The following HCN2 variants were observed in gnomAD, a reference collection of about 807,000 sequenced individuals.
HCN2 encodes hyperpolarization activated cyclic nucleotide gated potassium and sodium channel 2, also known as potassium/sodium hyperpolarization-activated cyclic nucleotide-gated channel 2.
Under a neutral mutation model 52.3 loss-of-function variants are expected in HCN2, and 20 were observed. The observed-to-expected ratio is 0.38, with a 90% CI of 0.27 to 0.56. The LOEUF (loss-of-function observed/expected upper bound fraction) is 0.56, where lower values mean the gene tolerates loss of function less well. Among genes scored for constraint, HCN2 ranks in the 20% least tolerant of loss-of-function variants. The probability of loss-of-function intolerance (pLI) is 0.71; values close to 1 mark genes in which losing one functional copy is unlikely to be tolerated. For synonymous variants in HCN2, 694 were observed against 537.0 expected (o/e 1.29, Z -4.04); for missense variants, 981 against 1,207.7 (o/e 0.81, Z 2.78).
intron 1 of HCN2, among the ~76,000 whole-genome samples, chr19:597,790 C>CCCCCTTGGTGGTTTCTAGGT (rs1983080962): frequency 1.4e-5 from 2 of 146,316 alleles, no homozygotes; most frequent in African/African-American, 2.6e-5. Context: ...GGTTTCTAGG[C>CCCCCTTGGTGGTTTCTAGGT]CCTCCTGGTG....
At position 603,433 on chromosome 19, in the gene HCN2, A is replaced by G; in HGVS notation, c.633-111A>G. ...GTCCCGCAGGCTCCTCGGAGGAGGC[A>G]CTGGCTCGAGGTGTGGGCGCCCCTC... On this transcript the variant is annotated intron_variant, in intron 1 of 7. Transcript: ENST00000251287. 1.0e-5 allele frequency: 8 copies of G among 766,954 alleles called. No individual in the cohort carries two copies. In the South Asian group the frequency reaches 1.4e-4, roughly 14 times the overall value. 47.5% of individuals were successfully genotyped at this position (766,954 alleles called of 1,614,324 possible).
intron 5 of HCN2, among the ~76,000 whole-genome samples, chr19:612,300 CTTCCCACACCATTGA>C (rs889899526): frequency 3.2e-4 from 49 of 152,188 alleles, no homozygotes; most frequent in African/African-American, 1.2e-3. Context: ...ATTGCCCTGA[CTTCCCACACCATTGA>C]TTCATCTCCA....
chr19:611,372 G>A (rs141453069), intron 5 of HCN2, among the ~76,000 whole-genome samples: 6 of 152,206 alleles, frequency 3.9e-5, no homozygotes, highest in Admixed American at 3.3e-4. Context: ...GGACGGGGAG[G>A]CGACATCAGC....
rs1039225429 is a variant in HCN2, at chr19:592,332, G to A, written c.632+1755G>A. Among the ~76,000 whole-genome samples the A allele has an allele frequency of 1.3e-5, 2 of 152,202 alleles. No individual in the cohort carries two copies. Among genetic ancestry groups the A allele is most frequent in the African/African-American group, 2.4e-5 (1 of 41,460 alleles). On this transcript the variant is annotated intron_variant, in intron 1 of 7. Coordinates refer to ENST00000251287, the MANE Select transcript of HCN2 (RefSeq NM_001194.4). This position sits in a 1 kb window ranked among gnomAD's most constrained non-coding sequence, Gnocchi z 4.8. ...ACTCCCTCCCCTGGGCAGCTCCAGC[G>A]ACCCCCTGGCTGCAGAGGGGCGGTC...
chr19:590,595 G>A lies in HCN2; in HGVS notation c.632+18G>A, dbSNP rs1294004736. On this transcript the variant is annotated intron_variant, in intron 1 of 7. Transcript: ENST00000251287. The surrounding 1 kb of genome is among the most constrained non-coding windows in gnomAD (Gnocchi z 7.2). ...GACTTCAGGTACCGCCTCCGGGAGG[G>A]CCGGTCGGCGCGAGGGGGCCCGGGG... The A allele has an allele frequency of 9.4e-6, 13 of 1,385,212 alleles. No individual in the cohort carries two copies. The highest frequency in any genetic ancestry group is 1.2e-5 in the Non-Finnish European group (13 of 1,052,202). The allele number at this position is 1,385,212 out of a possible 1,614,324, so 85.8% of individuals were successfully genotyped here.
chr19:595,385 G>A (rs1982997594), intron 1 of HCN2, among the ~76,000 whole-genome samples: 2 of 151,330 alleles, frequency 1.3e-5, no homozygotes, highest in Admixed American at 1.3e-4. Flanking sequence ...CTGTCAGCAT[G>A]GGCCTCTCCA....
At chr19:598,661 G>C (rs1278797837) in intron 1 of HCN2, among the ~76,000 whole-genome samples, 1 of 152,198 alleles carries the variant, frequency 6.6e-6, no homozygotes, top group Non-Finnish European at 1.5e-5. Context: ...GAGTGCGATG[G>C]CGCGATCTCG....
chr19:612,427 T>TGTGTGAGTGTGAGAGA, intron 5 of HCN2, among the ~76,000 whole-genome samples: 3 of 142,360 alleles, frequency 2.1e-5, no homozygotes, highest in South Asian at 2.2e-4. Context: ...TGTGTGTGTG[T>TGTGTGAGTGTGAGAGA]GAGAGAGAGA....
intron 7 of HCN2, 126 bp from the exon 8 acceptor site, chr19:615,669 G>A: frequency 2.4e-6 from 2 of 833,714 alleles, no homozygotes; most frequent in Non-Finnish European, 2.0e-6. Flanking sequence ...TACAGTAGGT[G>A]GTAAATGCAT....
In HCN2 at chr19:590,316, C is replaced by T; in HGVS notation, c.371C>T (p.Ser124Leu). Residue 124 changes from serine to leucine, a missense_variant, in exon 1 of 8, where the codon TCG (serine) becomes TTG (leucine). Coordinates refer to ENST00000251287, the MANE Select transcript of HCN2 (RefSeq NM_001194.4). The surrounding 1 kb of genome is among the most constrained non-coding windows in gnomAD (Gnocchi z 7.2). Reference protein sequence around the residue: ...PEGPARGPKVSFSCRGAASGP... With the variant: ...PEGPARGPKVLFSCRGAASGP... ...GGCCCGGCGCGGGGGCCCAAGGTGTCGTTCTCGTGCCGCGGGGCGGCCTCG... is the reference window on the plus strand; with the variant it reads ...GGCCCGGCGCGGGGGCCCAAGGTGTTGTTCTCGTGCCGCGGGGCGGCCTCG... 3.0e-6 allele frequency: 3 copies of T among 1,016,390 alleles called. No individual in the cohort carries two copies. In the South Asian group the frequency reaches 1.3e-4, roughly 45 times the overall value. 63.0% of individuals were successfully genotyped at this position (1,016,390 alleles called of 1,614,324 possible).
chr19:613,136 G>T lies in HCN2; in HGVS notation c.1585-112G>T, dbSNP rs1190748794. On this transcript the variant is annotated intron_variant, in intron 5 of 7. Coordinates refer to ENST00000251287, the MANE Select transcript of HCN2 (RefSeq NM_001194.4). ...CGGTTCCGGCTACGGGGCTGAGCCC[G>T]TCTCTCAGACGAGGAAACTGGGGTC... 2.2e-6 allele frequency: 3 copies of T among 1,386,114 alleles called. No individual in the cohort carries two copies. In the South Asian group the frequency reaches 4.2e-5, roughly 19 times the overall value. The allele number at this position is 1,386,114 out of a possible 1,614,324, so 85.9% of individuals were successfully genotyped here.
At position 604,064 on chromosome 19, in the gene HCN2, A is replaced by G. The variant is rs557400402; in HGVS notation, c.1056+97A>G. The G allele has an allele frequency of 6.5e-5, 26 of 399,126 alleles. No homozygotes were observed. Among genetic ancestry groups the G allele is most frequent in the East Asian group, 4.6e-4 (6 of 13,176 alleles). 24.7% of individuals were successfully genotyped at this position (399,126 alleles called of 1,614,324 possible). A position where few individuals can be genotyped will look rare whatever the true frequency, so the allele number is the denominator to read the frequency against. Reference sequence around the variant, plus strand: ...AGCAGGGGCGGGGCTATAATGGTGCATGGGTGGGGCCAAGGCAGCAGGGGT... The same window carrying G: ...AGCAGGGGCGGGGCTATAATGGTGCGTGGGTGGGGCCAAGGCAGCAGGGGT... On this transcript the variant is annotated intron_variant, in intron 2 of 7. Coordinates refer to ENST00000251287, the MANE Select transcript of HCN2 (RefSeq NM_001194.4).
Position 605,235 on chromosome 19 carries a change from G to A in HCN2, c.1218+13G>A. ...CAATGGCATGGTGGTGAGCGCCGCG[G>A]GCCCTGACGGAGGGGGAGACGCAGG... On this transcript the variant is annotated intron_variant, in intron 3 of 7. Transcript: ENST00000251287. 6.2e-7 allele frequency: 1 copy of A among 1,608,812 alleles called. No individual in the cohort carries two copies. The highest frequency in any genetic ancestry group is 8.5e-7 in the Non-Finnish European group (1 of 1,178,430).
intron 3 of HCN2, among the ~76,000 whole-genome samples, chr19:607,697 G>A (rs1288939290): frequency 2.0e-5 from 3 of 152,224 alleles, no homozygotes; most frequent in Admixed American, 6.5e-5. Flanking sequence ...TGCAAAAGGC[G>A]GGACCCAGAC....
At chr19:600,376 C>T (rs964633562) in intron 1 of HCN2, among the ~76,000 whole-genome samples, 1 of 152,028 alleles carries the variant, frequency 6.6e-6, no homozygotes, top group African/African-American at 2.4e-5. Flanking sequence ...GGGTCTCACT[C>T]TGTTGCCAGG....
In HCN2 at chr19:605,784, C is replaced by T. The variant is rs548795985; in HGVS notation, c.1218+562C>T. ...GCGCCCCCTTATGGAGGGAAGGACT[C>T]GGGCCCTTACAGAGGCGGGGACCCA... On this transcript the variant is annotated intron_variant, in intron 3 of 7. Coordinates refer to ENST00000251287, the MANE Select transcript of HCN2 (RefSeq NM_001194.4). Among the ~76,000 whole-genome samples, 5 of 144,826 alleles carry T rather than the reference C, an allele frequency of 3.5e-5. 1 individual carries two copies. Among genetic ancestry groups the T allele is most frequent in the African/African-American group, 5.5e-5 (2 of 36,296 alleles).
rs764716073 is a variant in HCN2 at position 613,400 on chromosome 19, G to A, written c.1737G>A (p.Lys579=). ...TCATCCGCGAAGGCACCATCGGGAA[G>A]AAGATGTACTTCATCCAGCACGGCG... ...DYIIREGTIG[K]KMYFIQHGVV... Residue 579 remains lysine, a synonymous_variant, in exon 6 of 8, where the codon AAG becomes AAA. Coordinates refer to ENST00000251287, the MANE Select transcript of HCN2 (RefSeq NM_001194.4). The A allele has an allele frequency of 4.2e-5, 68 of 1,612,642 alleles. No individual in the cohort carries two copies. Among genetic ancestry groups the A allele is most frequent in the Non-Finnish European group, 5.6e-5 (66 of 1,179,812 alleles).
chr19:597,455 C>T (rs1018968151), intron 1 of HCN2, among the ~76,000 whole-genome samples: 14 of 152,146 alleles, frequency 9.2e-5, no homozygotes, highest in South Asian at 4.1e-4. Context: ...TACCCCTTGG[C>T]GGTTTCTAGG....
At chr19:612,427 T>TGTGTGTGTGTGAGAGAGAGAGA in intron 5 of HCN2, among the ~76,000 whole-genome samples, 8 of 142,256 alleles carry the variant, frequency 5.6e-5, no homozygotes, top group African/African-American at 1.8e-4. Flanking sequence ...TGTGTGTGTG[T>TGTGTGTGTGTGAGAGAGAGAGA]GAGAGAGAGA....
Sources: gnomAD v4.1 joint callset for allele counts (sites outside exome capture counted in the v4.1 genomes callset) on GRCh38, gnomAD v4.1.1 for gene constraint, Gnocchi (gnomAD v3.1) non-coding constraint, MANE v1.5 for transcripts, NCBI Gene and HGNC (gene_info 2026-07-23, HGNC 2026-07-21) for gene names.